Variants in CHRM2 observed in about 807,000 individuals in gnomAD.
CHRM2 encodes cholinergic receptor muscarinic 2.
CHRM2 carries 8 observed loss-of-function variants against 25.0 expected under a neutral mutation model. The observed-to-expected ratio is 0.32, with a 90% CI of 0.19 to 0.58. CHRM2 has a LOEUF of 0.58. Among genes scored for constraint, CHRM2 ranks in the 20% least tolerant of loss-of-function variants. The probability of loss-of-function intolerance (pLI) is 0.88; values close to 1 mark genes in which losing one functional copy is unlikely to be tolerated. For synonymous variants in CHRM2, 202 were observed against 205.7 expected (o/e 0.98, Z 0.15); for missense variants, 440 against 567.1 (o/e 0.78, Z 2.28).
chr7:136,939,441 G>T (rs1377528002), intron 2 of CHRM2, among the ~76,000 whole-genome samples: 1 of 152,050 alleles, frequency 6.6e-6, no homozygotes, highest in African/African-American at 2.4e-5. Flanking sequence ...TTCTTTTTCT[G>T]CAAAGTAAGG....
chr7:136,882,867 AT>A (rs941203853), intron 2 of CHRM2, among the ~76,000 whole-genome samples: 6 of 152,174 alleles, frequency 3.9e-5, no homozygotes, highest in African/African-American at 1.4e-4. Flanking sequence ...GTTAAAAGAA[AT>A]TTTAGCCAGC....
Position 136,875,079 on chromosome 7 carries a change from A to T in CHRM2, c.-125+5661A>T, listed in dbSNP as rs545619056. Among the ~76,000 whole-genome samples the T allele has an allele frequency of 2.0e-3, 301 of 149,780 alleles. 1 individual carries two copies. The highest frequency in any genetic ancestry group is 3.3e-3 in the Non-Finnish European group (222 of 67,518). ...TGTGTGTATGTGTGTATATATATAC[A>T]CATATATACATATATACACATATAT... On this transcript the variant is annotated intron_variant, in intron 2 of 3. Transcript: ENST00000680005.
chr7:136,951,851 C>T (rs1229068390), intron 2 of CHRM2, among the ~76,000 whole-genome samples: 1 of 152,132 alleles, frequency 6.6e-6, no homozygotes, highest in Non-Finnish European at 1.5e-5. Context: ...GCATTCTTTG[C>T]CTTTCCTCCT....
At chr7:136,926,146 A>T (rs1798736938) in intron 2 of CHRM2, among the ~76,000 whole-genome samples, 1 of 152,174 alleles carries the variant, frequency 6.6e-6, no homozygotes, top group African/African-American at 2.4e-5. Context: ...CTGAGGCAGG[A>T]GATTGCTTAA....
At chr7:137,008,186 C>A (rs1457496678) in intron 3 of CHRM2, among the ~76,000 whole-genome samples, 1 of 152,016 alleles carries the variant, frequency 6.6e-6, no homozygotes, top group Non-Finnish European at 1.5e-5. Flanking sequence ...TCAATGATAA[C>A]CACATCTCAT....
chr7:136,978,337 T>C (rs896031307), intron 2 of CHRM2, among the ~76,000 whole-genome samples: 1 of 152,246 alleles, frequency 6.6e-6, no homozygotes, highest in Non-Finnish European at 1.5e-5. Context: ...CTGTGTTCTA[T>C]AGTGTATTTT....
intron 2 of CHRM2, among the ~76,000 whole-genome samples, chr7:136,898,357 T>C (rs1797015630): frequency 6.6e-6 from 1 of 152,072 alleles, no homozygotes; most frequent in African/African-American, 2.4e-5. Flanking sequence ...AAGCACTAAA[T>C]ACAACTAGCA....
intron 2 of CHRM2, among the ~76,000 whole-genome samples, chr7:136,914,633 T>C (rs1397672993): frequency 6.6e-6 from 1 of 151,956 alleles, no homozygotes; most frequent in Non-Finnish European, 1.5e-5. Context: ...GAAAAAATGT[T>C]ACGTTTTCTG....
At chr7:136,926,653 T>C (rs772200656) in intron 2 of CHRM2, among the ~76,000 whole-genome samples, 16 of 151,826 alleles carry the variant, frequency 1.1e-4, no homozygotes, top group Non-Finnish European at 2.2e-4. Context: ...GCAAAGGAGG[T>C]GATAGGAATG....
chr7:136,908,468 A>G (rs982136866), intron 2 of CHRM2, among the ~76,000 whole-genome samples: 1 of 151,936 alleles, frequency 6.6e-6, no homozygotes, highest in African/African-American at 2.4e-5. Flanking sequence ...CTCTCTGTTA[A>G]TTGGATTTTT....
intron 3 of CHRM2, among the ~76,000 whole-genome samples, chr7:137,012,058 A>G (rs1406237545): frequency 1.3e-5 from 2 of 149,604 alleles, no homozygotes; most frequent in Non-Finnish European, 2.9e-5. Flanking sequence ...AAACTAGAAT[A>G]TAAGTCCTAT....
intron 2 of CHRM2, among the ~76,000 whole-genome samples, chr7:136,896,159 C>G (rs1037872851): frequency 2.6e-5 from 4 of 152,064 alleles, no homozygotes; most frequent in Admixed American, 6.5e-5. Context: ...TCAGAGAGAG[C>G]ATCCCATTCA....
At chr7:136,935,621 T>A (rs1415595205) in intron 2 of CHRM2, among the ~76,000 whole-genome samples, 4 of 152,204 alleles carry the variant, frequency 2.6e-5, no homozygotes. Context: ...GTGGCCCCAC[T>A]CTGCAATTCT....
chr7:136,878,086 G>A (rs924334745), intron 2 of CHRM2, among the ~76,000 whole-genome samples: 80 of 151,892 alleles, frequency 5.3e-4, no homozygotes, highest in Admixed American at 2.6e-3. Context: ...GCCTTCCTTG[G>A]CACTGTTACA....
At chr7:136,915,858 A>C (rs75638315) in intron 2 of CHRM2, among the ~76,000 whole-genome samples, 1 of 141,866 alleles carries the variant, frequency 7.0e-6, no homozygotes, top group South Asian at 2.3e-4. Context: ...GAAAAGAAAC[A>C]TTTTTTTTTT....
chr7:136,946,316 G>A (rs978392559), intron 2 of CHRM2, among the ~76,000 whole-genome samples: 7 of 152,148 alleles, frequency 4.6e-5, no homozygotes, highest in South Asian at 2.1e-4. Flanking sequence ...AATTATTTGT[G>A]TATTAATTTG....
intron 2 of CHRM2, among the ~76,000 whole-genome samples, chr7:136,985,266 C>G (rs771889249): frequency 2.6e-5 from 4 of 152,220 alleles, no homozygotes; most frequent in African/African-American, 7.2e-5. Context: ...AATCCCAGCA[C>G]TTTGTGAGGC....
chr7:136,995,679 G>A (rs1257847762), intron 3 of CHRM2, among the ~76,000 whole-genome samples: 1 of 152,018 alleles, frequency 6.6e-6, no homozygotes, highest in African/African-American at 2.4e-5. Flanking sequence ...TGGGAGGATT[G>A]CATGGTCCTG....
chr7:136,912,176 T>C (rs1797879445), intron 2 of CHRM2, among the ~76,000 whole-genome samples: 1 of 151,982 alleles, frequency 6.6e-6, no homozygotes, highest in Non-Finnish European at 1.5e-5. Context: ...TCTCTTTCAA[T>C]AGCATTGTGG....
Sources: allele counts gnomAD v4.1 joint callset (sites outside exome capture counted in the v4.1 genomes callset), GRCh38; gene constraint gnomAD v4.1.1; transcripts MANE v1.5; gene names NCBI Gene and HGNC (gene_info 2026-07-23, HGNC 2026-07-21).